Variants in PPP1R3A observed in about 807,000 individuals in gnomAD.
The protein encoded by PPP1R3A is protein phosphatase 1 regulatory subunit 3A, also known as RG1.
In PPP1R3A, 29 loss-of-function variants were observed where a neutral mutation model predicts 41.7. The observed-to-expected ratio is 0.70, with a 90% confidence interval of 0.52 to 0.95. The LOEUF is 0.95. PPP1R3A is among the 40% of genes least tolerant of loss of function. The pLI, the probability that PPP1R3A is intolerant of heterozygous loss-of-function variation, is 0.00. For missense variants in PPP1R3A, 1,352 were observed against 1,292.4 expected (o/e 1.05, Z -0.71); for synonymous variants, 485 against 453.4 (o/e 1.07, Z -0.89).
chr7:113,918,827 G>A lies in PPP1R3A; in HGVS notation c.170C>T (p.Pro57Leu), dbSNP rs1797386648. The change falls in exon 1 of 4, where the codon CCA (proline) becomes CTA (leucine). Residue 57 changes from proline to leucine, a missense_variant. Physicochemically the swap from Pro to Leu is moderately conservative, Grantham distance 98 (BLOSUM62 -3). Transcript: ENST00000284601. ...TGAAACTCTTCTAGTACCTGAAGAT[G>A]GGGTATCCAGGTATATGTCTTCAGA... Reference protein sequence around the residue: ...DSSEDIYLDTPSSGTRRVSFA... With the variant: ...DSSEDIYLDTLSSGTRRVSFA... 1.2e-6 allele frequency: 2 copies of A among 1,613,676 alleles called. No individual in the cohort carries two copies. Among genetic ancestry groups the A allele is most frequent in the African/African-American group, 2.7e-5 (2 of 75,000 alleles).
At chr7:113,914,302 T>C (rs10226417) in intron 1 of PPP1R3A, among the ~76,000 whole-genome samples, 10,686 of 152,176 alleles carry the variant, frequency 0.07, 546 homozygotes, top group African/African-American at 0.15. Flanking sequence ...CACAGCCACA[T>C]AGCTACTAAG....
At position 113,918,323 on chromosome 7, in the gene PPP1R3A, G is replaced by C. The variant is rs1442372514; in HGVS notation, c.674C>G (p.Thr225Arg). ...CTTTTGACAAATGAATGTATAATTT[G>C]TGCCATTATTATTTGACCAAAATGT... ...VGTFWSNNNG[T>R]NYTFICQKKE... Residue 225 changes from threonine to arginine, a missense_variant, in exon 1 of 4, where the codon ACA becomes AGA. Coordinates refer to ENST00000284601, the MANE Select transcript of PPP1R3A (RefSeq NM_002711.4). The C allele has an allele frequency of 1.9e-6, 3 of 1,612,760 alleles. No homozygotes were observed. The highest frequency in any genetic ancestry group is 2.5e-6 in the Non-Finnish European group (3 of 1,179,342).
chr7:113,919,004 T>C lies in PPP1R3A; in HGVS notation c.-8A>G, dbSNP rs1797392289. ...TACTTCAGAAGGCTCCATTGGGCTCTCTGATATCAAATAAGAGAGAACTGT... is the reference window on the plus strand; with the variant it reads ...TACTTCAGAAGGCTCCATTGGGCTCCCTGATATCAAATAAGAGAGAACTGT... On this transcript the variant is annotated 5_prime_UTR_variant, in exon 1 of 4. Coordinates refer to ENST00000284601, the MANE Select transcript of PPP1R3A (RefSeq NM_002711.4). 4 of 1,607,732 alleles carry C rather than the reference T, an allele frequency of 2.5e-6. No individual in the cohort carries two copies. Among genetic ancestry groups the C allele is most frequent in the South Asian group, 2.2e-5 (2 of 90,956 alleles).
intron 1 of PPP1R3A, among the ~76,000 whole-genome samples, chr7:113,900,208 T>C (rs538371242): frequency 9.9e-5 from 15 of 151,740 alleles, no homozygotes; most frequent in Non-Finnish European, 2.2e-4. Context: ...TTTCCAGTTG[T>C]TGCACTATGT....
rs1156619324 is a variant in PPP1R3A, at chr7:113,918,664, G to A, written c.333C>T (p.Asp111=). The change falls in exon 1 of 4, where the codon GAC becomes GAT. Residue 111 remains aspartate (D), a synonymous_variant. Coordinates refer to ENST00000284601, the MANE Select transcript of PPP1R3A (RefSeq NM_002711.4). Reference sequence around the variant, plus strand: ...TAAGATCTTCTTTTGAAGAAGGCAAGTCAAACAGTGGGGCTAAAACATATT... The same window carrying A: ...TAAGATCTTCTTTTGAAGAAGGCAAATCAAACAGTGGGGCTAAAACATATT... ...TEEYVLAPLF[D]LPSSKEDLMQ... The A allele has an allele frequency of 6.2e-7, 1 of 1,613,618 alleles. No homozygotes were observed. The highest frequency in any genetic ancestry group is 1.1e-5 in the South Asian group (1 of 91,082).
chr7:113,891,084 CAAAAAAAAA>C lies in PPP1R3A; in HGVS notation c.783-8773_783-8765del, dbSNP rs11342726. Among the ~76,000 whole-genome samples, 44 of 79,790 alleles carry C rather than the reference CAAAAAAAAA, an allele frequency of 5.5e-4. No homozygotes were observed. In the Admixed American group the frequency reaches 7.1e-3, roughly 13 times the overall value. The allele number at this position is 79,790 out of a possible 152,430, so 52.3% of individuals were successfully genotyped here. ...GGGTCAATATGTGGTGGAAAAAAAG[CAAAAAAAAA>C]AAAAAAAAAAAAAAAAAAAAACCCT... is the stretch of plus-strand genomic sequence containing the variant. On this transcript the variant is annotated intron_variant, in intron 1 of 3. Transcript: ENST00000284601.
chr7:113,880,158 C>T, intron 3 of PPP1R3A, 33 bp from the exon 4 acceptor site: 2 of 1,531,510 alleles, frequency 1.3e-6, no homozygotes, highest in Non-Finnish European at 1.8e-6. Flanking sequence ...GAAATAATGA[C>T]CATAAGATCT....
At chr7:113,891,861 G>T (rs1562921252) in intron 1 of PPP1R3A, among the ~76,000 whole-genome samples, 1 of 151,966 alleles carries the variant, frequency 6.6e-6, no homozygotes, top group Non-Finnish European at 1.5e-5. Context: ...AAAGATCTAT[G>T]CCACAAAGTC....
intron 1 of PPP1R3A, among the ~76,000 whole-genome samples, chr7:113,905,070 A>C (rs1424279635): frequency 6.6e-6 from 1 of 151,654 alleles, no homozygotes; most frequent in Non-Finnish European, 1.5e-5. Context: ...TGTACAATGA[A>C]GTTCGCATGA....
At chr7:113,901,675 G>C (rs770501750) in intron 1 of PPP1R3A, among the ~76,000 whole-genome samples, 2 of 151,736 alleles carry the variant, frequency 1.3e-5, no homozygotes, top group Non-Finnish European at 2.9e-5. Context: ...TAAGCAAACT[G>C]GTCCAGGGTT....
At chr7:113,915,945 C>A (rs1797335300) in intron 1 of PPP1R3A, among the ~76,000 whole-genome samples, 1 of 151,872 alleles carries the variant, frequency 6.6e-6, no homozygotes, top group African/African-American at 2.4e-5. Context: ...ATTTGAAACC[C>A]CATTGCATAT....
At chr7:113,896,458 A>T (rs958734360) in intron 1 of PPP1R3A, among the ~76,000 whole-genome samples, 3 of 151,902 alleles carry the variant, frequency 2.0e-5, no homozygotes, top group African/African-American at 7.2e-5. Context: ...TGACTAAACC[A>T]GTCGAAGTTC....
rs201451205 is a variant in PPP1R3A at position 113,877,788 on chromosome 7, C to T, written c.3304G>A (p.Val1102Ile). 1.3e-4 allele frequency: 203 copies of T among 1,603,458 alleles called. No individual in the cohort carries two copies. Among genetic ancestry groups the T allele is most frequent in the Middle Eastern group, 5.0e-4 (3 of 5,998 alleles). Residue 1102 changes from valine to isoleucine, a missense_variant, in exon 4 of 4, where the codon GTT becomes ATT. Coordinates refer to ENST00000284601, the MANE Select transcript of PPP1R3A (RefSeq NM_002711.4). ...CAGGATAGCCAGGACAATGACAAAA[C>T]GTAGAATGTCAAGCCAATCATTAAG... ...YDLMIGLTFY[V>I]LSLSWLSWEE...
intron 1 of PPP1R3A, among the ~76,000 whole-genome samples, chr7:113,893,365 C>A (rs1165884377): frequency 2.6e-5 from 4 of 151,972 alleles, no homozygotes; most frequent in East Asian, 3.9e-4. Flanking sequence ...TCAATTAAAT[C>A]ATAAGATCAG....
chr7:113,891,000 G>A (rs942174871), intron 1 of PPP1R3A, among the ~76,000 whole-genome samples: 1 of 146,238 alleles, frequency 6.8e-6, no homozygotes, highest in African/African-American at 2.6e-5. Flanking sequence ...ACCAACTAGT[G>A]GCAAATCCAT....
chr7:113,901,021 G>C (rs1797052464), intron 1 of PPP1R3A, among the ~76,000 whole-genome samples: 2 of 151,450 alleles, frequency 1.3e-5, no homozygotes. Context: ...CTCAGAATTA[G>C]CAACTGGGTA....
intron 1 of PPP1R3A, among the ~76,000 whole-genome samples, chr7:113,890,063 T>C (rs1796852554): frequency 6.8e-6 from 1 of 146,100 alleles, no homozygotes; most frequent in Non-Finnish European, 1.5e-5. Flanking sequence ...AGGCATTATA[T>C]GCAAAAACTT....
intron 1 of PPP1R3A, among the ~76,000 whole-genome samples, chr7:113,891,108 A>AC (rs1207300666): frequency 6.0e-5 from 9 of 150,460 alleles, no homozygotes; most frequent in Non-Finnish European, 1.2e-4. Flanking sequence ...AAAAAAAAAA[A>AC]AAAAAACCCT....
chr7:113,900,796 A>T (rs1797049333), intron 1 of PPP1R3A, among the ~76,000 whole-genome samples: 1 of 148,720 alleles, frequency 6.7e-6, no homozygotes, highest in Non-Finnish European at 1.5e-5. Context: ...ATATAATTAT[A>T]TATGTATATA....
Sources: gnomAD v4.1 joint callset for allele counts (sites outside exome capture counted in the v4.1 genomes callset) on GRCh38, gnomAD v4.1.1 for gene constraint, MANE v1.5 for transcripts, NCBI Gene and HGNC (gene_info 2026-07-23, HGNC 2026-07-21) for gene names.